TESC: variants seen among roughly 807,000 people sequenced by gnomAD.
TESC encodes calcineurin B homologous protein 3.
Under a neutral mutation model 31.0 loss-of-function variants are expected in TESC, and 19 were observed. The ratio of observed to expected loss-of-function variants is 0.61; its 90% confidence interval spans 0.43 to 0.90. The LOEUF (loss-of-function observed/expected upper bound fraction) is 0.90, where lower values mean the gene tolerates loss of function less well. TESC is among the 40% of genes least tolerant of loss of function. TESC has a pLI of 0.00. For synonymous variants in TESC, 109 were observed against 114.8 expected (o/e 0.95, Z 0.32); for missense variants, 248 against 303.8 (o/e 0.82, Z 1.36).
At chr12:117,058,433 T>G (rs1954759577) in intron 2 of TESC, among the ~76,000 whole-genome samples, 1 of 151,560 alleles carries the variant, frequency 6.6e-6, no homozygotes, top group Non-Finnish European at 1.5e-5. Context: ...AGCTTTCTTT[T>G]GGGAGTGATG....
intron 1 of TESC, among the ~76,000 whole-genome samples, chr12:117,093,027 CG>C (rs1173103750): frequency 6.6e-6 from 1 of 152,142 alleles, no homozygotes; most frequent in Non-Finnish European, 1.5e-5. Flanking sequence ...AGAAAAGGCA[CG>C]GGGGACTGGC....
rs1955056625 is a variant in TESC at position 117,075,891 on chromosome 12, A to ATATATATATATATATGTGTGTGTGTG, written c.59-552_59-551insCACACACACACATATATATATATATA. Reference sequence around the variant, plus strand: ...TATATGTGTGTATATATATATATATATATATATATATATATATATATATGT... The same window carrying ATATATATATATATATGTGTGTGTGTG: ...TATATGTGTGTATATATATATATATATATATATATATATATGTGTGTGTGTGTATATATATATATATATATATATGT... On this transcript the variant is annotated intron_variant, in intron 1 of 7. Transcript: ENST00000335209. Among the ~76,000 whole-genome samples, 13 of 69,078 alleles carry ATATATATATATATATGTGTGTGTGTG rather than the reference A, an allele frequency of 1.9e-4. 1 individual carries two copies. Among genetic ancestry groups the ATATATATATATATATGTGTGTGTGTG allele is most frequent in the African/African-American group, 1.0e-3 (12 of 11,864 alleles). 45.3% of individuals were successfully genotyped at this position (69,078 alleles called of 152,430 possible).
At chr12:117,070,531 A>C (rs1394377770) in intron 2 of TESC, among the ~76,000 whole-genome samples, 1 of 151,896 alleles carries the variant, frequency 6.6e-6, no homozygotes, top group African/African-American at 2.4e-5. Flanking sequence ...CACCTCCCCC[A>C]CCCCCAGTAG....
intron 2 of TESC, among the ~76,000 whole-genome samples, chr12:117,060,683 G>A (rs530290950): frequency 5.9e-5 from 9 of 152,122 alleles, no homozygotes; most frequent in Non-Finnish European, 1.2e-4. Context: ...AGACAGGTTC[G>A]GCAACCTGCC....
rs1315875340 is a variant in TESC, at chr12:117,075,899, A to ATGTGTG, written c.59-560_59-559insCACACA. On this transcript the variant is annotated intron_variant, in intron 1 of 7. Transcript: ENST00000335209. ...TGTATATATATATATATATATATAT[A>ATGTGTG]TATATATATATATATGTGTGTGTGT... Among the ~76,000 whole-genome samples, 8 of 73,180 alleles carry ATGTGTG rather than the reference A, an allele frequency of 1.1e-4. 1 individual carries two copies. Among genetic ancestry groups the ATGTGTG allele is most frequent in the African/African-American group, 4.9e-4 (6 of 12,240 alleles). 48.0% of individuals were successfully genotyped at this position (73,180 alleles called of 152,430 possible). A position where few individuals can be genotyped will look rare whatever the true frequency, so the allele number is the denominator to read the frequency against.
At chr12:117,066,528 C>T (rs1954886261) in intron 2 of TESC, among the ~76,000 whole-genome samples, 1 of 152,018 alleles carries the variant, frequency 6.6e-6, no homozygotes, top group Non-Finnish European at 1.5e-5. Flanking sequence ...CCCACCACCA[C>T]GCCTGGCTAG....
In TESC at chr12:117,075,907, ATATATATG is replaced by A. The variant is rs1273827744; in HGVS notation, c.59-575_59-568del. Reference sequence around the variant, plus strand: ...TATATATATATATATATATATATATATATATATGTGTGTGTGTATATATATATATATAT... The same window carrying A: ...TATATATATATATATATATATATATATGTGTGTGTATATATATATATATAT... On this transcript the variant is annotated intron_variant, in intron 1 of 7. Transcript: ENST00000335209. Among the ~76,000 whole-genome samples, 154 of 65,136 alleles carry A rather than the reference ATATATATG, an allele frequency of 2.4e-3. 4 individuals are homozygous for A. The highest frequency in any genetic ancestry group is 0.011 in the Admixed American group (76 of 6,622). The allele number at this position is 65,136 out of a possible 152,430, so 42.7% of individuals were successfully genotyped here. A position where few individuals can be genotyped will look rare whatever the true frequency, so the allele number is the denominator to read the frequency against.
intron 3 of TESC, among the ~76,000 whole-genome samples, chr12:117,055,735 A>G (rs1329709451): frequency 6.6e-6 from 1 of 152,222 alleles, no homozygotes; most frequent in Admixed American, 6.5e-5. Context: ...CACCAGCCAC[A>G]AGGCTGAATC....
intron 3 of TESC, among the ~76,000 whole-genome samples, chr12:117,050,006 T>C (rs1954624532): frequency 6.6e-6 from 1 of 151,696 alleles, no homozygotes; most frequent in African/African-American, 2.4e-5. Flanking sequence ...CAGGCTGGAG[T>C]TCAGTGGTGC....
At chr12:117,053,407 C>T (rs1056464864) in intron 3 of TESC, among the ~76,000 whole-genome samples, 3 of 152,176 alleles carry the variant, frequency 2.0e-5, no homozygotes, top group African/African-American at 7.2e-5. Flanking sequence ...GTGCATTCCA[C>T]CCCAAGAGCC....
At position 117,091,331 on chromosome 12, in the gene TESC, G is replaced by A. The variant is rs151258011; in HGVS notation, c.58+7894C>T. Among the ~76,000 whole-genome samples, 10 of 152,270 alleles carry A rather than the reference G, an allele frequency of 6.6e-5. No homozygotes were observed. The East Asian group carries it at 1.5e-3, about 24-fold the overall frequency. The stretch of plus-strand genomic sequence containing the variant: ...TGAAAACACCTCATTCCCTCAGCTC[G>A]AGATAACAGATCCTAAAGTGCTTTG... On this transcript the variant is annotated intron_variant, in intron 1 of 7. Transcript: ENST00000335209.
intron 3 of TESC, among the ~76,000 whole-genome samples, chr12:117,053,297 C>T (rs1954674877): frequency 6.6e-6 from 1 of 152,152 alleles, no homozygotes; most frequent in Admixed American, 6.5e-5. Flanking sequence ...CCCAGTGCAC[C>T]CTCTTGTCTT....
At chr12:117,091,521 T>G (rs1955307653) in intron 1 of TESC, among the ~76,000 whole-genome samples, 1 of 152,242 alleles carries the variant, frequency 6.6e-6, no homozygotes. Flanking sequence ...GAAAGAAAGA[T>G]GCAGCGGGGA....
intron 1 of TESC, among the ~76,000 whole-genome samples, chr12:117,080,513 G>A (rs901798971): frequency 3.3e-5 from 5 of 152,180 alleles, no homozygotes; most frequent in African/African-American, 1.2e-4. Context: ...TGTCCTGCCT[G>A]ATTGAAAGCA....
At position 117,060,851 on chromosome 12, in the gene TESC, T is replaced by C. The variant is rs191596762; in HGVS notation, c.129-3965A>G. ...CCCTGAGAAAGGGACCACGTGGAGC[T>C]CCAGAGGGAATCTGGGAGAACAGAG... On this transcript the variant is annotated intron_variant, in intron 2 of 7. Transcript: ENST00000335209. 1.2e-3 allele frequency among the ~76,000 whole-genome samples: 178 copies of C among 152,314 alleles called. 1 individual carries two copies. Among genetic ancestry groups the C allele is most frequent in the Non-Finnish European group, 1.5e-3 (104 of 68,024 alleles).
At chr12:117,044,708 C>A (rs1319278398) in intron 6 of TESC, among the ~76,000 whole-genome samples, 1 of 152,204 alleles carries the variant, frequency 6.6e-6, no homozygotes, top group African/African-American at 2.4e-5. Context: ...GACCAGCTGG[C>A]CAGCATGGTG....
intron 2 of TESC, among the ~76,000 whole-genome samples, chr12:117,067,783 T>C (rs905029623): frequency 6.6e-6 from 1 of 152,216 alleles, no homozygotes; most frequent in Non-Finnish European, 1.5e-5. Flanking sequence ...AAAATGGGGA[T>C]AATAATGTCA....
At chr12:117,085,021 A>C (rs949425097) in intron 1 of TESC, among the ~76,000 whole-genome samples, 1 of 152,248 alleles carries the variant, frequency 6.6e-6, no homozygotes, top group Admixed American at 6.5e-5. Flanking sequence ...CCTCGCCAGG[A>C]TCCAGGACAG....
chr12:117,060,810 T>C (rs1158527017), intron 2 of TESC, among the ~76,000 whole-genome samples: 1 of 152,158 alleles, frequency 6.6e-6, no homozygotes, highest in East Asian at 1.9e-4. Flanking sequence ...TAGAATCCAT[T>C]TTCCAAGGCC....
Sources: allele counts gnomAD v4.1 joint callset (sites outside exome capture counted in the v4.1 genomes callset), GRCh38; gene constraint gnomAD v4.1.1; transcripts MANE v1.5; gene names NCBI Gene and HGNC (gene_info 2026-07-23, HGNC 2026-07-21).